Variants in INCENP observed in about 807,000 individuals in gnomAD.
INCENP encodes the protein binds and activates aurora-B and -C in vivo and in vitro.
A neutral mutation model predicts 107.3 loss-of-function variants in INCENP; 43 were observed. That is an observed-to-expected ratio of 0.40 (90% confidence interval 0.31 to 0.52). INCENP has a LOEUF of 0.52. INCENP is among the 20% of genes least tolerant of loss of function. The pLI is 0.53. For synonymous variants in INCENP, 488 were observed against 494.4 expected, an observed-to-expected ratio of 0.99 and a Z score of 0.17; for missense variants, 1,089 against 1,250.9, an observed-to-expected ratio of 0.87 and a Z score of 1.95.
chr11:62,128,058 G>A lies in INCENP; in HGVS notation c.-11-93G>A, dbSNP rs1251537424. ...GGTTCGGGCACTGGGTGTTTGTGGT[G>A]GTTGTGGGTCAGGTGGGTATTGCAG... On this transcript the variant is annotated intron_variant, in intron 1 of 18. Coordinates refer to ENST00000394818, the MANE Select transcript of INCENP (RefSeq NM_001040694.2). The A allele has an allele frequency of 3.9e-6, 5 of 1,285,920 alleles. No individual in the cohort carries two copies. In the African/African-American group the frequency reaches 5.8e-5, roughly 15 times the overall value. The allele number at this position is 1,285,920 out of a possible 1,614,324, so 79.7% of individuals were successfully genotyped here.
intron 15 of INCENP, among the ~76,000 whole-genome samples, chr11:62,147,952 A>G (rs1358029556): frequency 1.3e-5 from 2 of 152,082 alleles, no homozygotes; most frequent in Non-Finnish European, 2.9e-5. Context: ...TCCTCAGTTG[A>G]AGCCCATGGT....
At chr11:62,131,295 G>A (rs890599308) in intron 4 of INCENP, among the ~76,000 whole-genome samples, 1 of 152,190 alleles carries the variant, frequency 6.6e-6, no homozygotes, top group Non-Finnish European at 1.5e-5. Flanking sequence ...GGGGCTAATC[G>A]CGTCACTTCA....
At chr11:62,145,134 G>C in intron 12 of INCENP, 35 bp from the exon 13 acceptor site, 1 of 1,614,074 alleles carries the variant, frequency 6.2e-7, no homozygotes, top group Non-Finnish European at 8.5e-7. Context: ...TCCCAGCCTT[G>C]GTGGGGCTCC....
rs117220750 is a variant in INCENP at position 62,126,708 on chromosome 11, A to T, written c.-11-1443A>T. Among the ~76,000 whole-genome samples the T allele has an allele frequency of 6.3e-3, 964 of 152,334 alleles. 7 individuals carry two copies. The highest frequency in any genetic ancestry group is 0.014 in the African/African-American group (571 of 41,566). ...GGATTGGTTCCAGGACCTCCTTTGG[A>T]TACCAAAATCCACAGATGTTCAAGT... On this transcript the variant is annotated intron_variant, in intron 1 of 18. Coordinates refer to ENST00000394818, the MANE Select transcript of INCENP (RefSeq NM_001040694.2).
At chr11:62,139,079 C>CCCCAGAGAGAAGG in intron 7 of INCENP, 74 bp downstream of exon 7, 1 of 1,031,752 alleles carries the variant, frequency 9.7e-7, no homozygotes, top group Non-Finnish European at 1.5e-6. Flanking sequence ...CTGACCTTCT[C>CCCCAGAGAGAAGG]TCTGGGGATA....
Position 62,137,872 on chromosome 11 carries a change from C to A in INCENP, c.1104C>A (p.Pro368=). Residue 368 remains proline, a synonymous_variant, in exon 5 of 19, where the codon CCC becomes CCA. Transcript: ENST00000394818. ...YLERLLNVEV[P]QKVGSEQKEP... ...AGAGGCTCCTGAATGTTGAGGTGCC[C>A]CAGAAAGTTGGGTGAGTTCAGTTCC... is the stretch of plus-strand genomic sequence containing the variant. 3 of 1,614,050 alleles carry A rather than the reference C, an allele frequency of 1.9e-6. No individual in the cohort carries two copies. Among genetic ancestry groups the A allele is most frequent in the Non-Finnish European group, 2.5e-6 (3 of 1,179,942 alleles).
intron 4 of INCENP, among the ~76,000 whole-genome samples, chr11:62,132,549 C>T (rs745785469): frequency 6.6e-6 from 1 of 152,218 alleles, no homozygotes; most frequent in Non-Finnish European, 1.5e-5. Flanking sequence ...GAGATTTTCT[C>T]AGGCCTGGAT....
At chr11:62,140,575 G>C (rs1944093145) in intron 8 of INCENP, 129 bp from the exon 9 acceptor site, 1 of 792,156 alleles carries the variant, frequency 1.3e-6, no homozygotes, top group African/African-American at 1.7e-5. Flanking sequence ...GGTTGCTTAG[G>C]CTCTGCAGCC....
rs184223160 is a variant in INCENP, at chr11:62,131,120, G to A, written c.1063+530G>A. 7.2e-5 allele frequency among the ~76,000 whole-genome samples: 11 copies of A among 152,292 alleles called. No individual in the cohort carries two copies. The East Asian group carries it at 1.4e-3, about 19-fold the overall frequency. On this transcript the variant is annotated intron_variant, in intron 4 of 18. Coordinates refer to ENST00000394818, the MANE Select transcript of INCENP (RefSeq NM_001040694.2). ...GGGAATTATGGCAGCAGGCTCCTTCGGGGAGATCAGATGACTGGGCATCTG... is the reference window on the plus strand; with the variant it reads ...GGGAATTATGGCAGCAGGCTCCTTCAGGGAGATCAGATGACTGGGCATCTG...
intron 18 of INCENP, among the ~76,000 whole-genome samples, chr11:62,150,787 C>A (rs1046602975): frequency 2.6e-5 from 4 of 152,176 alleles, no homozygotes; most frequent in African/African-American, 9.7e-5. Context: ...CTTGAGTGAG[C>A]AGGGTAGGTG....
At chr11:62,147,341 A>G (rs1314679523) in intron 15 of INCENP, among the ~76,000 whole-genome samples, 1 of 152,142 alleles carries the variant, frequency 6.6e-6, no homozygotes, top group African/African-American at 2.4e-5. Context: ...CGATATTTTC[A>G]GACTGTTCCC....
chr11:62,146,790 C>CGGGA lies in INCENP; in HGVS notation c.2093_2094insGGAG (p.Gln700ArgfsTer71), dbSNP rs1565101596. The CGGGA allele has an allele frequency of 1.4e-5, 21 of 1,527,924 alleles. No homozygotes were observed. The African/African-American group carries it at 2.8e-4, about 21-fold the overall frequency. The allele number at this position is 1,527,924 out of a possible 1,614,324, so 94.6% of individuals were successfully genotyped here. A position where few individuals can be genotyped will look rare whatever the true frequency, so the allele number is the denominator to read the frequency against. On this transcript the variant is annotated frameshift_variant, in exon 15 of 19. Transcript: ENST00000394818. LOFTEE classifies it high-confidence loss of function. Reference sequence around the variant, plus strand: ...GCAGGAGCGGCGGGAGCAGGAGCGGCGCGAGCAGGAGCGGCGCGAGCAGGA... The same window carrying CGGGA: ...GCAGGAGCGGCGGGAGCAGGAGCGGCGGGAGCGAGCAGGAGCGGCGCGAGCAGGA...
chr11:62,146,795 G>A lies in INCENP; in HGVS notation c.2097G>A (p.Glu699=), dbSNP rs1193294165. 1 of 1,535,372 alleles carries A rather than the reference G, an allele frequency of 6.5e-7. No individual in the cohort carries two copies. The highest frequency in any genetic ancestry group is 1.2e-5 in the South Asian group (1 of 82,250). ...EQERREQERR[E]QERREQERRE... Reference sequence around the variant, plus strand: ...AGCGGCGGGAGCAGGAGCGGCGCGAGCAGGAGCGGCGCGAGCAGGAGCGGC... The same window carrying A: ...AGCGGCGGGAGCAGGAGCGGCGCGAACAGGAGCGGCGCGAGCAGGAGCGGC... The change falls in exon 15 of 19, where the codon GAG becomes GAA. Residue 699 remains glutamate (E), a synonymous_variant. Transcript: ENST00000394818.
chr11:62,129,746 T>C, intron 3 of INCENP, 36 bp from the exon 4 acceptor site: 1 of 1,555,484 alleles, frequency 6.4e-7, no homozygotes, highest in Non-Finnish European at 8.7e-7. Context: ...CCTGTCCTGC[T>C]GCCCGTCTCA....
At chr11:62,128,062 G>C in intron 1 of INCENP, 89 bp from the exon 2 acceptor site, 2 of 1,333,818 alleles carry the variant, frequency 1.5e-6, no homozygotes, top group Non-Finnish European at 1.1e-6. Context: ...TGTGGTGGTT[G>C]TGGGTCAGGT....
intron 18 of INCENP, 66 bp from the exon 19 acceptor site, chr11:62,151,696 G>A (rs1459725224): frequency 6.5e-6 from 9 of 1,379,994 alleles, no homozygotes; most frequent in Non-Finnish European, 9.2e-6. Context: ...GGGCTCTGTG[G>A]TGGGCAAGGG....
chr11:62,150,063 G>A lies in INCENP; in HGVS notation c.2398G>A (p.Ala800Thr). 1 of 1,613,894 alleles carries A rather than the reference G, an allele frequency of 6.2e-7. No homozygotes were observed. Among genetic ancestry groups the A allele is most frequent in the African/African-American group, 1.3e-5 (1 of 75,036 alleles). ...LNVTVDVQSPACTSYQMTPQG... is the reference protein window; with the variant it reads ...LNVTVDVQSPTCTSYQMTPQG... ...GCCACGTTTGTTTTTGCAGTCTCCA[G>A]CTTGTACCTCATATCAGATGACTCC... Residue 800 changes from alanine to threonine, a missense_variant, in exon 18 of 19, where the codon GCT becomes ACT. Transcript: ENST00000394818.
rs751902383 is a variant in INCENP, at chr11:62,140,218, A to G, written c.1292-16A>G. On this transcript the variant is annotated splice_polypyrimidine_tract_variant and intron_variant, in intron 7 of 18. Coordinates refer to ENST00000394818, the MANE Select transcript of INCENP (RefSeq NM_001040694.2). ...CCATCGTTTCTGCAGCCTTGCTGAAATTGCTGTCTTCACAGAGGCCAAGAC... is the reference window on the plus strand; with the variant it reads ...CCATCGTTTCTGCAGCCTTGCTGAAGTTGCTGTCTTCACAGAGGCCAAGAC... 2.5e-6 allele frequency: 4 copies of G among 1,612,832 alleles called. No individual in the cohort carries two copies. The highest frequency in any genetic ancestry group is 1.7e-4 in the Middle Eastern group (1 of 6,058).
intron 11 of INCENP, among the ~76,000 whole-genome samples, chr11:62,143,846 C>T (rs1169430502): frequency 1.3e-5 from 2 of 152,190 alleles, no homozygotes; most frequent in African/African-American, 2.4e-5. Context: ...AGCCTCCACC[C>T]AGCCCCAGAC....
Sources: gnomAD v4.1 joint callset for allele counts (sites outside exome capture counted in the v4.1 genomes callset) on GRCh38, gnomAD v4.1.1 for gene constraint, MANE v1.5 for transcripts, NCBI Gene and HGNC (gene_info 2026-07-23, HGNC 2026-07-21) for gene names.